The following PEPD variants were observed in gnomAD, a reference collection of about 807,000 sequenced individuals.
PEPD encodes peptidase D.
Under a neutral mutation model 60.7 loss-of-function variants are expected in PEPD, and 53 were observed. The ratio of observed to expected loss-of-function variants is 0.87; its 90% CI spans 0.70 to 1.10. The LOEUF is 1.10. Among genes scored for constraint, PEPD ranks in the 50% least tolerant of loss-of-function variants. The probability of loss-of-function intolerance (pLI) is 0.00; values close to 1 mark genes in which losing one functional copy is unlikely to be tolerated. For missense variants in PEPD, 711 were observed against 711.9 expected (o/e 1.00, Z 0.01); for synonymous variants, 267 against 284.1 (o/e 0.94, Z 0.60).
Position 33,387,186 on chromosome 19 carries a change from C to T in PEPD, c.*158G>A, listed in dbSNP as rs762426196. On this transcript the variant is annotated 3_prime_UTR_variant, in exon 15 of 15. Transcript: ENST00000244137. ...AAGGGTAATTAAAAAAGTGTTTCCT[C>T]CCCGGGAAACAGCACTGTTTGGTCT... 1.2e-6 allele frequency: 1 copy of T among 801,694 alleles called. No homozygotes were observed. The highest frequency in any genetic ancestry group is 2.0e-6 in the Non-Finnish European group (1 of 497,786). 49.7% of individuals were successfully genotyped at this position (801,694 alleles called of 1,614,324 possible). A position where few individuals can be genotyped will look rare whatever the true frequency, so the allele number is the denominator to read the frequency against.
At chr19:33,511,634 C>G in intron 2 of PEPD, 1 of 235,500 alleles carries the variant, frequency 4.2e-6, no homozygotes, top group Non-Finnish European at 8.5e-6. Flanking sequence ...ATGAATGCTG[C>G]GCTAAAAGGA....
At chr19:33,434,190 C>T (rs943610022) in intron 9 of PEPD, among the ~76,000 whole-genome samples, 16 of 152,122 alleles carry the variant, frequency 1.1e-4, no homozygotes, top group African/African-American at 3.4e-4. Context: ...ACAATCTGCT[C>T]GTTTTCACTG....
In PEPD at chr19:33,401,859, T is replaced by C. The variant is rs374795227; in HGVS notation, c.829A>G (p.Met277Val). 1.2e-6 allele frequency: 2 copies of C among 1,613,008 alleles called. No individual in the cohort carries two copies. Among genetic ancestry groups the C allele is most frequent in the Non-Finnish European group, 8.5e-7 (1 of 1,179,944 alleles). ...GCGAAGCAGTAATACTCACCGCCCA[T>C]GTCGAACAGGCTGCGGAGAGAGGAA... ...IQNGDMCLFD[M>V]GGEYYCFASD... Residue 277 changes from methionine (M) to valine (V), a missense_variant, in exon 12 of 15, where the codon ATG (methionine) becomes GTG (valine). Physicochemically the swap from Met to Val is conservative, Grantham distance 21. Transcript: ENST00000244137.
chr19:33,471,529 C>T (rs988950896), intron 7 of PEPD, among the ~76,000 whole-genome samples: 7 of 152,192 alleles, frequency 4.6e-5, no homozygotes, highest in Non-Finnish European at 7.3e-5. Flanking sequence ...GTGGGTCCAC[C>T]GGCCCCTGGA....
At chr19:33,489,305 G>C (rs1224263013) in intron 6 of PEPD, among the ~76,000 whole-genome samples, 3 of 152,158 alleles carry the variant, frequency 2.0e-5, no homozygotes, top group Non-Finnish European at 4.4e-5. Context: ...CTGAGAGCCG[G>C]GTTGGAAGGG....
chr19:33,457,460 G>A (rs867199954), intron 9 of PEPD, among the ~76,000 whole-genome samples: 16 of 152,260 alleles, frequency 1.1e-4, no homozygotes, highest in Middle Eastern at 6.8e-3. Flanking sequence ...AGGGATGAGG[G>A]GGGCTGCCCA....
chr19:33,448,934 C>T (rs998166579), intron 9 of PEPD, among the ~76,000 whole-genome samples: 4 of 152,364 alleles, frequency 2.6e-5, no homozygotes, highest in African/African-American at 7.2e-5. Context: ...GGCCCAGAGG[C>T]CACCAGTATA....
chr19:33,510,370 C>G (rs1970899128), intron 3 of PEPD, among the ~76,000 whole-genome samples: 1 of 152,138 alleles, frequency 6.6e-6, no homozygotes, highest in Non-Finnish European at 1.5e-5. Context: ...AGGGGGGCTC[C>G]AAAGCCAAAA....
chr19:33,508,520 G>A (rs535135802), intron 3 of PEPD, among the ~76,000 whole-genome samples: 173 of 152,358 alleles, frequency 1.1e-3, no homozygotes, highest in African/African-American at 3.9e-3. Flanking sequence ...ACCGAGCCCC[G>A]AGAGGACAGC....
At chr19:33,389,394 G>C (rs1258201369) in intron 13 of PEPD, among the ~76,000 whole-genome samples, 6 of 152,358 alleles carry the variant, frequency 3.9e-5, no homozygotes, top group African/African-American at 1.4e-4. Context: ...AGAGGTGCAT[G>C]TGGACCGAGC....
intron 9 of PEPD, among the ~76,000 whole-genome samples, chr19:33,454,068 CG>C (rs1468887222): frequency 1.3e-5 from 2 of 152,228 alleles, no homozygotes; most frequent in African/African-American, 4.8e-5. Flanking sequence ...TAAAAGGAAC[CG>C]GGCTCCTTAG....
chr19:33,485,277 T>C (rs1415726999), intron 6 of PEPD, among the ~76,000 whole-genome samples: 2 of 151,814 alleles, frequency 1.3e-5, no homozygotes, highest in African/African-American at 4.8e-5. Context: ...GTGAATCACC[T>C]AAGGTCAGGA....
chr19:33,414,199 G>A (rs892612371), intron 9 of PEPD, among the ~76,000 whole-genome samples: 2 of 152,204 alleles, frequency 1.3e-5, no homozygotes, highest in Admixed American at 6.5e-5. Flanking sequence ...AGGGATGTGG[G>A]AGAGGCAAGG....
intron 9 of PEPD, among the ~76,000 whole-genome samples, chr19:33,449,876 T>C (rs955333019): frequency 6.6e-6 from 1 of 152,100 alleles, no homozygotes; most frequent in Middle Eastern, 3.4e-3. Flanking sequence ...GATCAATAAT[T>C]ATATCACAGG....
chr19:33,406,552 TGGG>T (rs1353851553), intron 11 of PEPD, among the ~76,000 whole-genome samples: 1 of 151,966 alleles, frequency 6.6e-6, no homozygotes, highest in Non-Finnish European at 1.5e-5. Context: ...AGCAAGGTGG[TGGG>T]GGAGAGCTGG....
chr19:33,391,612 G>T, intron 12 of PEPD, 133 bp from the exon 13 acceptor site: 1 of 823,194 alleles, frequency 1.2e-6, no homozygotes, highest in Non-Finnish European at 2.0e-6. Flanking sequence ...GGGGGCAAGG[G>T]TACTACATCG....
intron 2 of PEPD, chr19:33,511,487 C>T (rs1970926066): frequency 2.7e-6 from 1 of 371,586 alleles, no homozygotes; most frequent in Non-Finnish European, 5.2e-6. Flanking sequence ...TGCCTCTCTG[C>T]CACGTGCAGG....
intron 9 of PEPD, among the ~76,000 whole-genome samples, chr19:33,419,880 G>A (rs1393831286): frequency 1.3e-5 from 2 of 152,244 alleles, no homozygotes; most frequent in Non-Finnish European, 2.9e-5. Context: ...GGGATGCTGA[G>A]GCCCCGCCCA....
At chr19:33,433,173 G>A (rs150530735) in intron 9 of PEPD, among the ~76,000 whole-genome samples, 2 of 152,346 alleles carry the variant, frequency 1.3e-5, no homozygotes, top group East Asian at 3.9e-4. Flanking sequence ...CACAGAACAT[G>A]CTGGGTGATG....
Sources: gnomAD v4.1 joint callset for allele counts (sites outside exome capture counted in the v4.1 genomes callset) on GRCh38, gnomAD v4.1.1 for gene constraint, MANE v1.5 for transcripts, NCBI Gene and HGNC (gene_info 2026-07-23, HGNC 2026-07-21) for gene names.